REL: variants seen among roughly 807,000 people sequenced by gnomAD.
The protein encoded by REL is REL proto-oncogene, NF-kB subunit, also known as proto-oncogene c-Rel.
Under a neutral mutation model 45.9 loss-of-function variants are expected in REL, and 15 were observed. The ratio of observed to expected loss-of-function variants is 0.33; its 90% CI spans 0.22 to 0.50. The LOEUF (loss-of-function observed/expected upper bound fraction) is 0.50, where lower values mean the gene tolerates loss of function less well. Ranked by LOEUF, REL falls within the 20% of genes least tolerant of loss-of-function variation. The pLI is 0.98. For missense variants in REL, 601 were observed against 715.2 expected (o/e 0.84, Z 1.82); for synonymous variants, 239 against 242.1 (o/e 0.99, Z 0.12).
intron 4 of REL, among the ~76,000 whole-genome samples, chr2:60,916,663 T>C (rs1474689116): frequency 6.6e-6 from 1 of 152,316 alleles, no homozygotes; most frequent in East Asian, 1.9e-4. Flanking sequence ...AGTTACTTCC[T>C]GAACATGGCT....
Position 60,920,025 on chromosome 2 carries a change from G to A in REL, c.854-16G>A. ...CTATAATTTTTTATCTGCTTTCCTG[G>A]TTTCTTTCTAATCAGATACTTACGG... On this transcript the variant is annotated splice_polypyrimidine_tract_variant and intron_variant, in intron 7 of 9. Transcript: ENST00000394479. 3 of 1,567,514 alleles carry A rather than the reference G, an allele frequency of 1.9e-6. No homozygotes were observed. Among genetic ancestry groups the A allele is most frequent in the Admixed American group, 1.8e-5 (1 of 54,992 alleles).
At chr2:60,906,918 T>A (rs1573331988) in intron 4 of REL, among the ~76,000 whole-genome samples, 1 of 144,690 alleles carries the variant, frequency 6.9e-6, no homozygotes, top group East Asian at 2.0e-4. Context: ...TATATATTTT[T>A]TTTTTTTTTT....
chr2:60,885,199 C>T (rs1673041254), intron 1 of REL, among the ~76,000 whole-genome samples: 3 of 152,096 alleles, frequency 2.0e-5, no homozygotes, highest in Admixed American at 1.3e-4. Flanking sequence ...TTTGTTCCAA[C>T]TTTCTCTCAT....
At chr2:60,910,507 AAGGAGAAC>A (rs1393644295) in intron 4 of REL, among the ~76,000 whole-genome samples, 4 of 151,260 alleles carry the variant, frequency 2.6e-5, no homozygotes, top group Non-Finnish European at 4.4e-5. Flanking sequence ...CATAAAAAGG[AAGGAGAAC>A]AGGAGAACAG....
chr2:60,921,801 A>C lies in REL; in HGVS notation c.1030A>C (p.Met344Leu). Residue 344 changes from methionine to leucine, a missense_variant, in exon 10 of 10, where the codon ATG becomes CTG. Coordinates refer to ENST00000394479, the MANE Select transcript of REL (RefSeq NM_001291746.2). Reference sequence around the variant, plus strand: ...TTCTCATGATGCAGTTGTGAGAGAAATGCCTACAGGGGTTTCAAGTCAAGC... The same window carrying C: ...TTCTCATGATGCAGTTGTGAGAGAACTGCCTACAGGGGTTTCAAGTCAAGC... ...LFSHDAVVRE[M>L]PTGVSSQAES... The C allele has an allele frequency of 6.2e-7, 1 of 1,613,844 alleles. No homozygotes were observed. The highest frequency in any genetic ancestry group is 1.3e-5 in the African/African-American group (1 of 75,028).
In REL at chr2:60,894,477, T is replaced by C; in HGVS notation, c.234T>C (p.Asp78=). The change falls in exon 3 of 10, where the codon GAT becomes GAC. Residue 78 remains aspartate, a synonymous_variant. Transcript: ENST00000394479. ...KNDPYKPHPH[D]LVGKDCRDGY... is the part of the protein sequence containing the mutation. ...ACCCATATAAACCTCATCCTCATGA[T>C]TTAGTTGGAAAAGACTGCAGAGACG... 1 of 1,610,066 alleles carries C rather than the reference T, an allele frequency of 6.2e-7. No homozygotes were observed. The highest frequency in any genetic ancestry group is 8.5e-7 in the Non-Finnish European group (1 of 1,178,026).
chr2:60,918,725 T>C (rs1674051900), intron 7 of REL, 119 bp downstream of exon 7: 1 of 730,070 alleles, frequency 1.4e-6, no homozygotes, highest in African/African-American at 1.8e-5. Context: ...TTTCTTTTCC[T>C]GGAAGCTTTC....
At chr2:60,894,659 A>G (rs1330978502) in intron 3 of REL, 114 bp downstream of exon 3, 4 of 766,916 alleles carry the variant, frequency 5.2e-6, no homozygotes, top group South Asian at 3.1e-5. Context: ...TTCTACTTCT[A>G]TTTACTGTAT....
rs1376834275 is a variant in REL, at chr2:60,923,520, G to A, written c.*985G>A. ...GCTCACACTCAGCATATCCAAAACT[G>A]AATTCTTGGTCTTCCCTCCCAAACT... On this transcript the variant is annotated 3_prime_UTR_variant, in exon 10 of 10. Coordinates refer to ENST00000394479, the MANE Select transcript of REL (RefSeq NM_001291746.2). 8 of 232,422 alleles carry A rather than the reference G, an allele frequency of 3.4e-5. No individual in the cohort carries two copies. The highest frequency in any genetic ancestry group is 1.7e-4 in the Admixed American group (3 of 17,768). 14.4% of individuals were successfully genotyped at this position (232,422 alleles called of 1,614,324 possible).
At chr2:60,917,717 CGT>C (rs977815725) in intron 5 of REL, among the ~76,000 whole-genome samples, 1 of 145,408 alleles carries the variant, frequency 6.9e-6, no homozygotes, top group Admixed American at 6.8e-5. Context: ...TGTGTGTGTA[CGT>C]GTGTGTGTGT....
At chr2:60,920,492 C>A in intron 8 of REL, 82 bp from the exon 9 acceptor site, 1 of 1,087,136 alleles carries the variant, frequency 9.2e-7, no homozygotes, top group Non-Finnish European at 1.4e-6. Context: ...GGAGCCACCA[C>A]GCCCGGCCAG....
chr2:60,900,969 G>C (rs777322416), intron 3 of REL, 23 bp from the exon 4 acceptor site: 3 of 1,581,706 alleles, frequency 1.9e-6, no homozygotes, highest in Non-Finnish European at 2.6e-6. Context: ...ATGCAGTTTT[G>C]AATATTGTTT....
At chr2:60,921,087 G>T (rs1368209872) in intron 9 of REL, among the ~76,000 whole-genome samples, 1 of 151,116 alleles carries the variant, frequency 6.6e-6, no homozygotes, top group Non-Finnish European at 1.5e-5. Context: ...TTTACAATCT[G>T]ACTTTTTACA....
chr2:60,911,929 C>T (rs751166652), intron 4 of REL, among the ~76,000 whole-genome samples: 44 of 130,980 alleles, frequency 3.4e-4, no homozygotes, highest in Non-Finnish European at 6.2e-4. Flanking sequence ...ACCCGGGAGG[C>T]GGAGGTTGCA....
Position 60,918,626 on chromosome 2 carries a change from A to G in REL, c.853+20A>G. The G allele has an allele frequency of 6.6e-7, 1 of 1,526,314 alleles. No individual in the cohort carries two copies. The highest frequency in any genetic ancestry group is 1.1e-5 in the South Asian group (1 of 89,128). The allele number at this position is 1,526,314 out of a possible 1,614,324, so 94.5% of individuals were successfully genotyped here. Reference sequence around the variant, plus strand: ...AAAAAGGTATGACATTTTGCTGGTAATAATTTATATATTTCTTGAAGTGGT... The same window carrying G: ...AAAAAGGTATGACATTTTGCTGGTAGTAATTTATATATTTCTTGAAGTGGT... On this transcript the variant is annotated intron_variant, in intron 7 of 9. Coordinates refer to ENST00000394479, the MANE Select transcript of REL (RefSeq NM_001291746.2).
rs574601310 is a variant in REL at position 60,886,947 on chromosome 2, T to C, written c.11-4736T>C. Among the ~76,000 whole-genome samples the C allele has an allele frequency of 1.8e-4, 28 of 152,330 alleles. No individual in the cohort carries two copies. The South Asian group carries it at 5.8e-3, about 32-fold the overall frequency. ...GGGTCAGTCCCAGCTTTGCATAGTG[T>C]TGCTTAAAGAAAAATACAGTAATCA... is the stretch of plus-strand genomic sequence containing the variant. On this transcript the variant is annotated intron_variant, in intron 1 of 9. Coordinates refer to ENST00000394479, the MANE Select transcript of REL (RefSeq NM_001291746.2).
intron 4 of REL, among the ~76,000 whole-genome samples, chr2:60,903,067 C>T: frequency 6.6e-6 from 1 of 152,072 alleles, no homozygotes; most frequent in East Asian, 1.9e-4. Flanking sequence ...AATTAATAGG[C>T]CAGACTTTTA....
At chr2:60,906,276 C>T (rs1255436067) in intron 4 of REL, among the ~76,000 whole-genome samples, 1 of 152,180 alleles carries the variant, frequency 6.6e-6, no homozygotes, top group African/African-American at 2.4e-5. Flanking sequence ...CAAACCATAT[C>T]GCCCCACTAC....
chr2:60,881,739 G>A lies in REL; in HGVS notation c.-102G>A. On this transcript the variant is annotated 5_prime_UTR_variant, in exon 1 of 10. Transcript: ENST00000394479. The stretch of plus-strand genomic sequence containing the variant: ...CTCTAGGGTGGTCGGGGGACTGGGG[G>A]CCCCGCCGGCAGAGGTCCCTCGGCC... 2.8e-6 allele frequency: 3 copies of A among 1,065,760 alleles called. No homozygotes were observed. The highest frequency in any genetic ancestry group is 2.8e-5 in the South Asian group (2 of 71,588). 66.0% of individuals were successfully genotyped at this position (1,065,760 alleles called of 1,614,324 possible).
Sources: allele counts gnomAD v4.1 joint callset (sites outside exome capture counted in the v4.1 genomes callset), GRCh38; gene constraint gnomAD v4.1.1; transcripts MANE v1.5; gene names NCBI Gene and HGNC (gene_info 2026-07-23, HGNC 2026-07-21).